Variants in FHIT observed in about 807,000 individuals in gnomAD.
FHIT encodes fragile histidine triad diadenosine triphosphatase, also known as bis(5'-adenosyl)-triphosphatase.
A neutral mutation model predicts 17.9 loss-of-function variants in FHIT; 19 were observed. The ratio of observed to expected loss-of-function variants is 1.06; its 90% CI spans 0.74 to 1.56. The LOEUF is 1.56. FHIT is among the 40% of genes most tolerant of loss of function. FHIT has a pLI of 0.00. For missense variants in FHIT, 248 were observed against 189.2 expected (o/e 1.31, Z -1.82); for synonymous variants, 81 against 69.7 (o/e 1.16, Z -0.81).
At chr3:59,797,389 G>T (rs551126522) in intron 8 of FHIT, among the ~76,000 whole-genome samples, 4 of 152,100 alleles carry the variant, frequency 2.6e-5, no homozygotes, top group African/African-American at 9.7e-5. Context: ...GTTTTACTAT[G>T]TTGGCCAGGC....
At chr3:61,108,904 C>G (rs1469205798) in intron 2 of FHIT, among the ~76,000 whole-genome samples, 1 of 152,126 alleles carries the variant, frequency 6.6e-6, no homozygotes, top group Non-Finnish European at 1.5e-5. Context: ...GCTTCACAAA[C>G]TTTTTCAGCA....
At chr3:60,493,284 T>G (rs1249141084) in intron 5 of FHIT, among the ~76,000 whole-genome samples, 2 of 152,206 alleles carry the variant, frequency 1.3e-5, no homozygotes, top group Non-Finnish European at 2.9e-5. Flanking sequence ...CTTAAATCTG[T>G]AGATGGTAGG....
At chr3:60,640,846 T>C (rs931495946) in intron 4 of FHIT, among the ~76,000 whole-genome samples, 1 of 152,084 alleles carries the variant, frequency 6.6e-6, no homozygotes, top group Admixed American at 6.6e-5. Flanking sequence ...TATTTATAGG[T>C]GAAATAATTG....
At chr3:60,140,866 A>G (rs367972920) in intron 5 of FHIT, among the ~76,000 whole-genome samples, 1 of 152,218 alleles carries the variant, frequency 6.6e-6, no homozygotes, top group East Asian at 1.9e-4. Flanking sequence ...GCGTGAGCCA[A>G]TGCGCCCAGC....
chr3:60,957,125 T>C (rs1709203273), intron 3 of FHIT, among the ~76,000 whole-genome samples: 1 of 152,086 alleles, frequency 6.6e-6, no homozygotes, highest in Non-Finnish European at 1.5e-5. Context: ...ATAATCATCA[T>C]GTAGCTTTGT....
chr3:59,907,623 T>G (rs1239683857), intron 8 of FHIT, among the ~76,000 whole-genome samples: 1 of 152,228 alleles, frequency 6.6e-6, no homozygotes, highest in East Asian at 1.9e-4. Flanking sequence ...ATGTGTGCAC[T>G]GGGGCAGGGT....
intron 2 of FHIT, among the ~76,000 whole-genome samples, chr3:61,074,069 AC>A (rs1451804821): frequency 6.6e-6 from 1 of 152,216 alleles, no homozygotes; most frequent in Non-Finnish European, 1.5e-5. Context: ...GGCTCCAGTA[AC>A]TTTTTCCACT....
At chr3:60,048,867 T>C (rs1701760234) in intron 5 of FHIT, among the ~76,000 whole-genome samples, 2 of 152,192 alleles carry the variant, frequency 1.3e-5, no homozygotes, top group Non-Finnish European at 2.9e-5. Flanking sequence ...AATGGAAGAT[T>C]TGAAAACATG....
chr3:61,249,202 C>T (rs2040554867), intron 1 of FHIT, among the ~76,000 whole-genome samples: 1 of 152,106 alleles, frequency 6.6e-6, no homozygotes, highest in Non-Finnish European at 1.5e-5. Context: ...TGAAAATAAC[C>T]CTGGACTTGA....
At chr3:60,793,812 T>A (rs1344629961) in intron 4 of FHIT, among the ~76,000 whole-genome samples, 1 of 152,154 alleles carries the variant, frequency 6.6e-6, no homozygotes, top group Non-Finnish European at 1.5e-5. Context: ...TGGGGGTTCC[T>A]AAACTCCAAG....
At chr3:61,010,231 G>T (rs2031712914) in intron 3 of FHIT, among the ~76,000 whole-genome samples, 1 of 151,506 alleles carries the variant, frequency 6.6e-6, no homozygotes. Context: ...GTAAACAACT[G>T]ATTGAATTTA....
chr3:59,919,093 A>T (rs187975231), intron 8 of FHIT, among the ~76,000 whole-genome samples: 93 of 152,014 alleles, frequency 6.1e-4, no homozygotes, highest in African/African-American at 2.2e-3. Flanking sequence ...ATCACAAAAA[A>T]CCCCCCACTA....
intron 5 of FHIT, among the ~76,000 whole-genome samples, chr3:60,299,834 T>G (rs151268433): frequency 6.6e-6 from 1 of 151,952 alleles, no homozygotes; most frequent in South Asian, 2.1e-4. Flanking sequence ...CTGTTGGAGG[T>G]AGGAGTAGGT....
Position 60,328,603 on chromosome 3 carries a change from G to T in FHIT, c.103+208257C>A, listed in dbSNP as rs921109991. ...CCCTCTCACTACACCTGGGGATTAT[G>T]GGAATTACAGGATAGATTTGGGGGG... is the stretch of plus-strand genomic sequence containing the variant. On this transcript the variant is annotated intron_variant, in intron 5 of 9. Transcript: ENST00000492590. 3.9e-5 allele frequency among the ~76,000 whole-genome samples: 6 copies of T among 152,246 alleles called. No homozygotes were observed. In the East Asian group the frequency reaches 1.2e-3, roughly 29 times the overall value.
intron 5 of FHIT, among the ~76,000 whole-genome samples, chr3:60,164,622 TAAAAG>T (rs1235266338): frequency 6.8e-6 from 1 of 146,384 alleles, no homozygotes; most frequent in Admixed American, 6.8e-5. Flanking sequence ...AAAAAAAAAA[TAAAAG>T]AGGTGAGAGA....
At chr3:60,629,644 T>C (rs1482636958) in intron 4 of FHIT, among the ~76,000 whole-genome samples, 1 of 152,200 alleles carries the variant, frequency 6.6e-6, no homozygotes, top group Non-Finnish European at 1.5e-5. Context: ...ACTCTATCTT[T>C]CTCTGATAGG....
At chr3:60,906,716 T>A (rs782648192) in intron 3 of FHIT, among the ~76,000 whole-genome samples, 2 of 152,194 alleles carry the variant, frequency 1.3e-5, no homozygotes, top group Non-Finnish European at 2.9e-5. Flanking sequence ...AATAAGGAGC[T>A]AAGTATAGTT....
intron 4 of FHIT, among the ~76,000 whole-genome samples, chr3:60,544,229 A>T (rs1027506038): frequency 2.1e-4 from 32 of 151,774 alleles, no homozygotes; most frequent in African/African-American, 7.0e-4. Context: ...TGACCTTAAG[A>T]GGGCTGAGTT....
At chr3:60,075,671 T>A (rs190567858) in intron 5 of FHIT, among the ~76,000 whole-genome samples, 30 of 151,934 alleles carry the variant, frequency 2.0e-4, no homozygotes, top group African/African-American at 6.8e-4. Flanking sequence ...CCCAGACTAA[T>A]AGGAATCAAA....
Sources: gnomAD v4.1 joint callset for allele counts (sites outside exome capture counted in the v4.1 genomes callset) on GRCh38, gnomAD v4.1.1 for gene constraint, MANE v1.5 for transcripts, NCBI Gene and HGNC (gene_info 2026-07-23, HGNC 2026-07-21) for gene names.